Variants in NRXN1 observed in about 807,000 individuals in gnomAD.
The protein encoded by NRXN1 is neurexin 1, also known as neurexin-1.
A neutral mutation model predicts 150.9 loss-of-function variants in NRXN1; 39 were observed. The ratio of observed to expected loss-of-function variants is 0.26; its 90% CI spans 0.20 to 0.34. The LOEUF is 0.34. Ranked by LOEUF, NRXN1 falls within the 10% of genes least tolerant of loss-of-function variation. The pLI, the probability that NRXN1 is intolerant of heterozygous loss-of-function variation, is 1.00. For missense variants in NRXN1, 1,815 were observed against 1,949.9 expected, an observed-to-expected ratio of 0.93 and a Z score of 1.30; for synonymous variants, 924 against 757.0, an observed-to-expected ratio of 1.22 and a Z score of -3.62.
Position 50,447,737 on chromosome 2 carries a change from T to TTATATATATATATA in NRXN1, c.3364+17691_3364+17704dup, listed in dbSNP as rs70948710. ...AAATCACATAGTAAGCAGGGGAACG[T>TTATATATATATATA]TATATATATATATATATATATATAT... On this transcript the variant is annotated intron_variant, in intron 17 of 22. Coordinates refer to ENST00000401669, the MANE Select transcript of NRXN1 (RefSeq NM_001330078.2). Among the ~76,000 whole-genome samples the TTATATATATATATA allele has an allele frequency of 3.3e-3, 126 of 37,832 alleles. 5 individuals carry two copies. The highest frequency in any genetic ancestry group is 6.3e-3 in the South Asian group (5 of 800). 24.8% of individuals were successfully genotyped at this position (37,832 alleles called of 152,430 possible).
chr2:50,378,802 G>C (rs113067603), intron 17 of NRXN1, among the ~76,000 whole-genome samples: 1,757 of 152,172 alleles, frequency 0.012, 19 homozygotes, highest in Non-Finnish European at 0.018. Context: ...ACATCAAACA[G>C]GTAACTTTAA....
intron 2 of NRXN1, among the ~76,000 whole-genome samples, chr2:51,003,530 G>A (rs1458948196): frequency 6.6e-6 from 1 of 151,846 alleles, no homozygotes; most frequent in Non-Finnish European, 1.5e-5. Context: ...TTATTTAGTT[G>A]TAGTCTACTT....
chr2:50,079,645 C>T (rs1207110499), intron 19 of NRXN1, among the ~76,000 whole-genome samples: 3 of 151,866 alleles, frequency 2.0e-5, no homozygotes, highest in East Asian at 1.9e-4. Flanking sequence ...AATTTTGATG[C>T]TAGACATTTA....
At chr2:50,573,668 T>G (rs1180438147) in intron 8 of NRXN1, among the ~76,000 whole-genome samples, 1 of 151,716 alleles carries the variant, frequency 6.6e-6, no homozygotes, top group African/African-American at 2.4e-5. Flanking sequence ...ACCTGAGTAG[T>G]TTCAAAATAT....
intron 21 of NRXN1, among the ~76,000 whole-genome samples, chr2:49,980,681 T>C (rs1225708771): frequency 6.6e-6 from 1 of 152,180 alleles, no homozygotes; most frequent in Non-Finnish European, 1.5e-5. Flanking sequence ...GATGACCCTT[T>C]TGAACCTACA....
intron 21 of NRXN1, among the ~76,000 whole-genome samples, chr2:50,040,954 G>T (rs1690847502): frequency 2.0e-5 from 3 of 151,890 alleles, no homozygotes; most frequent in African/African-American, 7.3e-5. Context: ...CCATGTTGGT[G>T]TGCTGCACCC....
chr2:50,084,987 T>C (rs1023772356), intron 19 of NRXN1, among the ~76,000 whole-genome samples: 19 of 150,040 alleles, frequency 1.3e-4, no homozygotes, highest in Non-Finnish European at 1.8e-4. Context: ...CCCAGCAAAA[T>C]TGAACACTGT....
At chr2:50,942,148 G>T (rs1001340163) in intron 2 of NRXN1, among the ~76,000 whole-genome samples, 1 of 152,180 alleles carries the variant, frequency 6.6e-6, no homozygotes, top group Non-Finnish European at 1.5e-5. Context: ...GCTTCCACAT[G>T]GTGTTGGGCC....
intron 2 of NRXN1, among the ~76,000 whole-genome samples, chr2:50,978,724 A>G (rs1187043132): frequency 6.6e-6 from 1 of 152,054 alleles, no homozygotes; most frequent in African/African-American, 2.4e-5. Flanking sequence ...TCTATTTGAT[A>G]TTCAGATTTT....
chr2:50,925,485 C>CT (rs1166578983), intron 3 of NRXN1, among the ~76,000 whole-genome samples: 1 of 151,772 alleles, frequency 6.6e-6, no homozygotes, highest in African/African-American at 2.4e-5. Flanking sequence ...TTATTGCATT[C>CT]TTTTTATACA....
chr2:50,955,081 C>A (rs549769157), intron 2 of NRXN1, among the ~76,000 whole-genome samples: 33 of 152,136 alleles, frequency 2.2e-4, no homozygotes, highest in Non-Finnish European at 3.8e-4. Flanking sequence ...CTCTCTCTCT[C>A]TATCTCTCAC....
intron 5 of NRXN1, among the ~76,000 whole-genome samples, chr2:50,711,510 A>G (rs1337355688): frequency 6.6e-6 from 1 of 151,612 alleles, no homozygotes; most frequent in Non-Finnish European, 1.5e-5. Flanking sequence ...TAATTTATGT[A>G]TTTTTAGTAG....
intron 9 of NRXN1, among the ~76,000 whole-genome samples, chr2:50,540,754 C>A (rs537080599): frequency 1.3e-5 from 2 of 152,176 alleles, no homozygotes; most frequent in African/African-American, 4.8e-5. Context: ...CCTCTGCCAC[C>A]TGCTTTAAGC....
chr2:50,210,953 T>C (rs2062971253), intron 18 of NRXN1, among the ~76,000 whole-genome samples: 1 of 151,742 alleles, frequency 6.6e-6, no homozygotes, highest in Non-Finnish European at 1.5e-5. Context: ...GTCTAAATAA[T>C]GGATAGTTAC....
chr2:50,172,546 A>T (rs7572610), intron 18 of NRXN1, among the ~76,000 whole-genome samples: 48,773 of 152,018 alleles, frequency 0.32, 8,257 homozygotes, highest in Non-Finnish European at 0.37. Flanking sequence ...AAAAAAGAAA[A>T]AAATTATAAA....
chr2:50,571,587 T>G (rs1286416613), intron 8 of NRXN1, among the ~76,000 whole-genome samples: 1 of 152,176 alleles, frequency 6.6e-6, no homozygotes, highest in African/African-American at 2.4e-5. Context: ...GCTAAGATAT[T>G]TTTAAAGTAC....
At chr2:50,296,596 G>C (rs1390345258) in intron 17 of NRXN1, among the ~76,000 whole-genome samples, 1 of 149,998 alleles carries the variant, frequency 6.7e-6, no homozygotes, top group Non-Finnish European at 1.5e-5. Flanking sequence ...AGCTTCTTGA[G>C]TAGTTGGAAC....
At chr2:50,284,864 C>T (rs2071916822) in intron 17 of NRXN1, among the ~76,000 whole-genome samples, 1 of 152,030 alleles carries the variant, frequency 6.6e-6, no homozygotes. Context: ...CTGCAACTTT[C>T]AGCAAAAAGA....
chr2:51,018,661 AG>A (rs2105260733), intron 2 of NRXN1, among the ~76,000 whole-genome samples: 1 of 152,196 alleles, frequency 6.6e-6, no homozygotes, highest in African/African-American at 2.4e-5. Context: ...ACTCTAACTC[AG>A]CAACTCTCAT....
Sources: gnomAD v4.1 joint callset for allele counts (sites outside exome capture counted in the v4.1 genomes callset) on GRCh38, gnomAD v4.1.1 for gene constraint, MANE v1.5 for transcripts, NCBI Gene and HGNC (gene_info 2026-07-23, HGNC 2026-07-21) for gene names.